PCNX1: variants seen among roughly 807,000 people sequenced by gnomAD.
PCNX1 encodes pecanex 1, also known as pecanex-like protein 1.
PCNX1 carries 78 observed loss-of-function variants against 242.2 expected under a neutral mutation model. The observed-to-expected ratio is 0.32, with a 90% CI of 0.27 to 0.39. PCNX1 has a LOEUF of 0.39. Among genes scored for constraint, PCNX1 ranks in the 10% least tolerant of loss-of-function variants. The pLI is 1.00. For synonymous variants in PCNX1, 1,024 were observed against 1,032.9 expected, an observed-to-expected ratio of 0.99 and a Z score of 0.17; for missense variants, 2,581 against 2,856.5, an observed-to-expected ratio of 0.90 and a Z score of 2.20.
At chr14:70,935,685 A>G (rs752555536) in intron 1 of PCNX1, among the ~76,000 whole-genome samples, 5 of 152,294 alleles carry the variant, frequency 3.3e-5, no homozygotes, top group Non-Finnish European at 5.9e-5. Context: ...ATTAATATCA[A>G]TCGTTTTTAT....
At chr14:71,049,178 TAACTC>T (rs2060950292) in intron 22 of PCNX1, 1 of 677,222 alleles carries the variant, frequency 1.5e-6, no homozygotes, top group Admixed American at 6.3e-5. Context: ...TTGCTACACT[TAACTC>T]TGCATTAGTT....
intron 7 of PCNX1, among the ~76,000 whole-genome samples, chr14:70,992,625 G>A (rs1450777150): frequency 1.3e-5 from 2 of 152,176 alleles, no homozygotes; most frequent in Admixed American, 1.3e-4. Context: ...CTATTTTTCA[G>A]TCATTCATAG....
chr14:70,964,203 A>T (rs2058309460), intron 3 of PCNX1, among the ~76,000 whole-genome samples: 1 of 152,012 alleles, frequency 6.6e-6, no homozygotes, highest in Non-Finnish European at 1.5e-5. Context: ...AGTAGCTGGG[A>T]TTACAGGTGT....
intron 2 of PCNX1, among the ~76,000 whole-genome samples, chr14:70,958,248 T>C (rs2058065776): frequency 6.6e-6 from 1 of 152,216 alleles, no homozygotes; most frequent in Non-Finnish European, 1.5e-5. Flanking sequence ...TAGTTTTCTT[T>C]GTTGAACCTT....
chr14:71,055,819 A>G (rs553956272), intron 25 of PCNX1, among the ~76,000 whole-genome samples: 116 of 152,368 alleles, frequency 7.6e-4, no homozygotes, highest in African/African-American at 2.6e-3. Context: ...TTGTTCTTAC[A>G]TAGGTTAAAA....
chr14:71,114,861 A>G lies in PCNX1; in HGVS notation c.*4926A>G, dbSNP rs922280631. 1.8e-4 allele frequency: 24 copies of G among 134,046 alleles called. 1 individual carries two copies. Among genetic ancestry groups the G allele is most frequent in the African/African-American group, 6.6e-4 (24 of 36,622 alleles). 8.3% of individuals were successfully genotyped at this position (134,046 alleles called of 1,614,324 possible). ...ATAGAGCATAAGATGGCTGCTCCAGATGACTCTTGGGTTTAGTGTACTTGT... is the reference window on the plus strand; with the variant it reads ...ATAGAGCATAAGATGGCTGCTCCAGGTGACTCTTGGGTTTAGTGTACTTGT... On this transcript the variant is annotated 3_prime_UTR_variant, in exon 36 of 36. Coordinates refer to ENST00000304743, the MANE Select transcript of PCNX1 (RefSeq NM_014982.3).
At chr14:70,998,469 G>T (rs573827726) in intron 8 of PCNX1, among the ~76,000 whole-genome samples, 1 of 151,996 alleles carries the variant, frequency 6.6e-6, no homozygotes, top group African/African-American at 2.4e-5. Context: ...GAAAAACTTA[G>T]GCTGGGCTCG....
chr14:70,956,283 T>A (rs2057990787), intron 2 of PCNX1, among the ~76,000 whole-genome samples: 1 of 152,086 alleles, frequency 6.6e-6, no homozygotes, highest in Non-Finnish European at 1.5e-5. Context: ...TGGCTCACGC[T>A]TGTATTCCCA....
At chr14:70,934,604 A>G (rs1170297178) in intron 1 of PCNX1, among the ~76,000 whole-genome samples, 1 of 152,072 alleles carries the variant, frequency 6.6e-6, no homozygotes, top group Non-Finnish European at 1.5e-5. Flanking sequence ...TTTTAAGTAT[A>G]CTCTTCAGTA....
chr14:71,099,340 A>G (rs2062398537), intron 30 of PCNX1, among the ~76,000 whole-genome samples: 2 of 151,828 alleles, frequency 1.3e-5, no homozygotes, highest in Non-Finnish European at 2.9e-5. Flanking sequence ...TTGTATTTTT[A>G]GTAGAGACGG....
chr14:70,978,324 C>T lies in PCNX1; in HGVS notation c.1987C>T (p.His663Tyr), dbSNP rs2140129519. 1 of 1,614,182 alleles carries T rather than the reference C, an allele frequency of 6.2e-7. No homozygotes were observed. Among genetic ancestry groups the T allele is most frequent in the Non-Finnish European group, 8.5e-7 (1 of 1,180,018 alleles). ...AGACTCTGAACACACACACAAAGCT[C>T]ATTTGGTTCCTGAAGGAACCAGCAA... ...GTDSEHTHKA[H>Y]LVPEGTSKKR... is the part of the protein sequence containing the mutation. The change falls in exon 6 of 36, where the codon CAT (histidine) becomes TAT (tyrosine). Residue 663 changes from histidine (H) to tyrosine (Y), a missense_variant. His to Tyr is a moderately conservative substitution (Grantham distance 83). This residue lies in a region of PCNX1 where 1,204 missense variants were observed against 1,216.7 expected (regional missense o/e 0.99). Coordinates refer to ENST00000304743, the MANE Select transcript of PCNX1 (RefSeq NM_014982.3).
At chr14:70,992,011 G>A (rs2059179769) in intron 7 of PCNX1, among the ~76,000 whole-genome samples, 1 of 151,998 alleles carries the variant, frequency 6.6e-6, no homozygotes, top group African/African-American at 2.4e-5. Context: ...AAGAGAATTT[G>A]CATTTATTTT....
In PCNX1 at chr14:71,019,004, C is replaced by G; in HGVS notation, c.2997-5C>G. The G allele has an allele frequency of 6.2e-7, 1 of 1,606,164 alleles. No individual in the cohort carries two copies. Among genetic ancestry groups the G allele is most frequent in the Non-Finnish European group, 8.5e-7 (1 of 1,176,416 alleles). ...ATACTTACCCATAAGTTTTTCTGTCCGTAGAAATCGTGAGATCCTGGAAAA... is the reference window on the plus strand; with the variant it reads ...ATACTTACCCATAAGTTTTTCTGTCGGTAGAAATCGTGAGATCCTGGAAAA... On this transcript the variant is annotated splice_polypyrimidine_tract_variant and splice_region_variant and intron_variant, in intron 11 of 35. Coordinates refer to ENST00000304743, the MANE Select transcript of PCNX1 (RefSeq NM_014982.3).
chr14:70,995,705 C>T (rs1463905527), intron 7 of PCNX1, 36 bp from the exon 8 acceptor site: 3 of 1,578,652 alleles, frequency 1.9e-6, no homozygotes, highest in Non-Finnish European at 1.7e-6. Context: ...CTCTTTTCTT[C>T]CCTGTAATGT....
chr14:70,990,877 T>G (rs1468668614), intron 7 of PCNX1, among the ~76,000 whole-genome samples: 1 of 152,162 alleles, frequency 6.6e-6, no homozygotes, highest in Non-Finnish European at 1.5e-5. Context: ...CTTTTTCTAT[T>G]TTGTTTCTAA....
In PCNX1 at chr14:71,108,851, G is replaced by T. The variant is rs760140695; in HGVS notation, c.6549G>T (p.Leu2183=). Residue 2183 remains leucine (L), a synonymous_variant, in exon 34 of 36, where the codon CTG becomes CTT. Coordinates refer to ENST00000304743, the MANE Select transcript of PCNX1 (RefSeq NM_014982.3). ...TGGAACCCTCAGGTCAGAGCGGCCTGGCCTGTGTGCAGCACGGCCTGCCTT... is the reference window on the plus strand; with the variant it reads ...TGGAACCCTCAGGTCAGAGCGGCCTTGCCTGTGTGCAGCACGGCCTGCCTT... ...NQMEPSGQSG[L]ACVQHGLPSS... is the part of the protein sequence containing the mutation. 1 of 1,614,230 alleles carries T rather than the reference G, an allele frequency of 6.2e-7. No homozygotes were observed. The highest frequency in any genetic ancestry group is 1.7e-5 in the Admixed American group (1 of 60,028).
At position 71,102,015 on chromosome 14, in the gene PCNX1, A is replaced by G. The variant is rs760179964; in HGVS notation, c.5615A>G (p.Tyr1872Cys). The change falls in exon 31 of 36, where the codon TAT becomes TGT. Residue 1872 changes from tyrosine (Y) to cysteine (C), a missense_variant. Coordinates refer to ENST00000304743, the MANE Select transcript of PCNX1 (RefSeq NM_014982.3). Reference sequence around the variant, plus strand: ...GATCATTTTACTTCTCCAGATGAATATGATGACCCTACTGTGCTCTATGAA... The same window carrying G: ...GATCATTTTACTTCTCCAGATGAATGTGATGACCCTACTGTGCTCTATGAA... ...HQDHFTSPDE[Y>C]DDPTVLYEAI... 2.5e-6 allele frequency: 4 copies of G among 1,604,074 alleles called. No homozygotes were observed. The highest frequency in any genetic ancestry group is 1.7e-6 in the Non-Finnish European group (2 of 1,173,266).
In PCNX1 at chr14:71,057,653, A is replaced by G. The variant is rs551951932; in HGVS notation, c.4781A>G (p.Asn1594Ser). The G allele has an allele frequency of 1.9e-6, 3 of 1,613,984 alleles. No individual in the cohort carries two copies. The highest frequency in any genetic ancestry group is 2.2e-5 in the East Asian group (1 of 44,866). Residue 1594 changes from asparagine to serine, a missense_variant, in exon 26 of 36, where the codon AAT (asparagine) becomes AGT (serine). This residue lies in a region of PCNX1 where 54 missense variants were observed against 45.3 expected (regional missense o/e 1.19). Coordinates refer to ENST00000304743, the MANE Select transcript of PCNX1 (RefSeq NM_014982.3). ...DCFILASDYL[N>S]ALVHLIEIGN... ...TTCATCCTTGCCTCTGACTATCTCAATGCATTAGTACACCTTATAGAGATA... is the reference window on the plus strand; with the variant it reads ...TTCATCCTTGCCTCTGACTATCTCAGTGCATTAGTACACCTTATAGAGATA...
At chr14:71,024,275 A>G (rs968137336) in intron 13 of PCNX1, among the ~76,000 whole-genome samples, 2 of 152,206 alleles carry the variant, frequency 1.3e-5, no homozygotes, top group Non-Finnish European at 2.9e-5. Context: ...GAACATTAAC[A>G]TTGGTACAAT....
Sources: gnomAD v4.1 joint callset for allele counts (sites outside exome capture counted in the v4.1 genomes callset) on GRCh38, gnomAD v4.1.1 for gene constraint, gnomAD v4.1.1 regional missense constraint, MANE v1.5 for transcripts, NCBI Gene and HGNC (gene_info 2026-07-23, HGNC 2026-07-21) for gene names.